The following CRB1 variants were observed in gnomAD, a reference collection of about 807,000 sequenced individuals.
The protein encoded by CRB1 is protein crumbs homolog 1.
CRB1 carries 83 observed loss-of-function variants against 120.0 expected under a neutral mutation model. That is an observed-to-expected ratio of 0.69 (90% confidence interval 0.58 to 0.83). CRB1 has a LOEUF of 0.83. Among genes scored for constraint, CRB1 ranks in the 40% least tolerant of loss-of-function variants. The pLI is 0.00. For synonymous variants in CRB1, 625 were observed against 612.5 expected, an observed-to-expected ratio of 1.02 and a Z score of -0.30; for missense variants, 1,699 against 1,687.6, an observed-to-expected ratio of 1.01 and a Z score of -0.12.
At chr1:197,332,441 A>G (rs1658914627) in intron 2 of CRB1, among the ~76,000 whole-genome samples, 1 of 152,146 alleles carries the variant, frequency 6.6e-6, no homozygotes, top group Admixed American at 6.5e-5. Flanking sequence ...TTATTATTTC[A>G]CCTTTTCAAG....
chr1:197,269,343 G>C (rs1288817319), intron 1 of CRB1, among the ~76,000 whole-genome samples: 1 of 152,232 alleles, frequency 6.6e-6, no homozygotes, highest in South Asian at 2.1e-4. Context: ...ACCTTCTGTG[G>C]CTGCACCAGT....
intron 10 of CRB1, chr1:197,440,241 G>C (rs1665368221): frequency 6.6e-6 from 1 of 151,966 alleles, no homozygotes; most frequent in South Asian, 2.1e-4. Flanking sequence ...CCAAAACCCT[G>C]GATTATTTTT....
chr1:197,223,096 G>A, the CRB1 span: 84 of 806,054 alleles, frequency 1.0e-4, no homozygotes, highest in Non-Finnish European at 1.5e-4. Context: ...ATAACCTTGC[G>A]TATAATTTTG....
At chr1:197,401,554 C>T (rs1663064501) in intron 5 of CRB1, among the ~76,000 whole-genome samples, 1 of 152,046 alleles carries the variant, frequency 6.6e-6, no homozygotes, top group South Asian at 2.1e-4. Context: ...GAAGAATAAC[C>T]TTGAACAATT....
At chr1:197,224,836 A>G in the CRB1 span, among the ~76,000 whole-genome samples, 7 of 152,082 alleles carry the variant, frequency 4.6e-5, no homozygotes, top group Non-Finnish European at 8.8e-5. Context: ...ACTCAGTAAT[A>G]ATGAGTAGTC....
chr1:197,217,759 CACAA>C, the CRB1 span, among the ~76,000 whole-genome samples: 1 of 152,086 alleles, frequency 6.6e-6, no homozygotes, highest in East Asian at 1.9e-4. Flanking sequence ...TGCACAACCT[CACAA>C]ACATACTAAA....
At chr1:197,370,073 A>G (rs1335343361) in intron 5 of CRB1, among the ~76,000 whole-genome samples, 2 of 152,138 alleles carry the variant, frequency 1.3e-5, no homozygotes, top group African/African-American at 4.8e-5. Flanking sequence ...GGAAAGACAC[A>G]ATCTTTTTCA....
At chr1:197,383,308 G>A (rs1662050225) in intron 5 of CRB1, among the ~76,000 whole-genome samples, 1 of 151,990 alleles carries the variant, frequency 6.6e-6, no homozygotes, top group Non-Finnish European at 1.5e-5. Context: ...TTCTTTACTC[G>A]AGATTTTCTA....
chr1:197,244,108 T>C, the CRB1 span, among the ~76,000 whole-genome samples: 1 of 152,196 alleles, frequency 6.6e-6, no homozygotes, highest in African/African-American at 2.4e-5. Context: ...AGCACAACGA[T>C]GGGTCTTGAC....
rs1169856523 is a variant in CRB1, at chr1:197,421,680, G to A, written c.1852G>A (p.Val618Met). 1 of 1,614,178 alleles carries A rather than the reference G, an allele frequency of 6.2e-7. No individual in the cohort carries two copies. Among genetic ancestry groups the A allele is most frequent in the Non-Finnish European group, 8.5e-7 (1 of 1,180,036 alleles). Reference sequence around the variant, plus strand: ...GAACTCCTTTTTGGGTGGTTTACCAGTGGGAATGACCAGCAATGGTGTTGC... The same window carrying A: ...GAACTCCTTTTTGGGTGGTTTACCAATGGGAATGACCAGCAATGGTGTTGC... ...FQNSFLGGLPVGMTSNGVALL... is the reference protein window; with the variant it reads ...FQNSFLGGLPMGMTSNGVALL... The change falls in exon 6 of 12, where the codon GTG becomes ATG. Residue 618 changes from valine to methionine, a missense_variant. Transcript: ENST00000367400.
chr1:197,293,738 G>C (rs574681208), intron 1 of CRB1, among the ~76,000 whole-genome samples: 1 of 152,176 alleles, frequency 6.6e-6, no homozygotes, highest in East Asian at 1.9e-4. Flanking sequence ...GAACAGAACA[G>C]AGCCCTCAGA....
At chr1:197,365,650 G>C (rs563571601) in intron 5 of CRB1, among the ~76,000 whole-genome samples, 163 of 122,080 alleles carry the variant, frequency 1.3e-3, no homozygotes, top group Non-Finnish European at 2.2e-3. Context: ...TTTATCAGTA[G>C]GGCTTTGTTT....
At chr1:197,238,901 A>G in the CRB1 span, among the ~76,000 whole-genome samples, 1 of 152,112 alleles carries the variant, frequency 6.6e-6, no homozygotes. Context: ...ACAAAAGAAC[A>G]AAAACATAGA....
the CRB1 span, among the ~76,000 whole-genome samples, chr1:197,226,595 A>C: frequency 1.3e-5 from 2 of 152,056 alleles, no homozygotes; most frequent in East Asian, 3.9e-4. Flanking sequence ...AATTAGGTTT[A>C]GATGAGGTCA....
At chr1:197,222,777 C>T in the CRB1 span, 1 of 1,179,328 alleles carries the variant, frequency 8.5e-7, no homozygotes, top group Non-Finnish European at 1.3e-6. Flanking sequence ...ACTCCAAGTG[C>T]TACATGATAT....
the CRB1 span, among the ~76,000 whole-genome samples, chr1:197,224,161 A>G: frequency 1.3e-5 from 2 of 151,774 alleles, no homozygotes; most frequent in African/African-American, 2.4e-5. Context: ...AAGCTCTTGT[A>G]CTTAGCCAAT....
At chr1:197,454,451 A>C (rs1220185634) in intron 11 of CRB1, among the ~76,000 whole-genome samples, 1 of 152,148 alleles carries the variant, frequency 6.6e-6, no homozygotes, top group Admixed American at 6.5e-5. Context: ...TGCTTCACCA[A>C]GTATAATTAA....
chr1:197,347,503 CAATTATT>C, intron 4 of CRB1, 24 bp downstream of exon 4: 1 of 1,611,788 alleles, frequency 6.2e-7, no homozygotes, highest in Non-Finnish European at 8.5e-7. Flanking sequence ...TACCTTCCAC[CAATTATT>C]TTTCATTTGT....
chr1:197,345,187 T>C (rs1166185606), intron 3 of CRB1, among the ~76,000 whole-genome samples: 1 of 152,206 alleles, frequency 6.6e-6, no homozygotes, highest in East Asian at 1.9e-4. Context: ...TAAGCCACGA[T>C]GCTGAGTTAC....
Sources: allele counts gnomAD v4.1 joint callset (sites outside exome capture counted in the v4.1 genomes callset), GRCh38; gene constraint gnomAD v4.1.1; transcripts MANE v1.5; gene names NCBI Gene and HGNC (gene_info 2026-07-23, HGNC 2026-07-21).